Variants in C2CD3 observed in about 807,000 individuals in gnomAD.
The protein encoded by C2CD3 is C2 domain containing 3 centriole elongation regulator, also known as C2 domain-containing protein 3.
In C2CD3, 148 loss-of-function variants were observed where a neutral mutation model predicts 234.0. The ratio of observed to expected loss-of-function variants is 0.63; its 90% CI spans 0.55 to 0.72. The LOEUF is 0.72. C2CD3 is among the 30% of genes least tolerant of loss of function. C2CD3 has a pLI of 0.00. For missense variants in C2CD3, 2,577 were observed against 2,811.5 expected, an observed-to-expected ratio of 0.92 and a Z score of 1.89; for synonymous variants, 1,000 against 1,035.4, an observed-to-expected ratio of 0.97 and a Z score of 0.66.
chr11:74,046,798 G>T (rs1591326763), intron 28 of C2CD3, among the ~76,000 whole-genome samples: 1 of 152,146 alleles, frequency 6.6e-6, no homozygotes, highest in East Asian at 1.9e-4. Context: ...ATGGACACCT[G>T]AGTTGTTTAT....
At chr11:74,115,134 G>A (rs1956879873) in intron 9 of C2CD3, among the ~76,000 whole-genome samples, 1 of 150,778 alleles carries the variant, frequency 6.6e-6, no homozygotes. Context: ...GTATATTCAG[G>A]GTAATTTGAA....
chr11:74,024,313 AT>A (rs766368287), intron 32 of C2CD3, among the ~76,000 whole-genome samples: 10 of 152,260 alleles, frequency 6.6e-5, no homozygotes, highest in Middle Eastern at 3.2e-3. Flanking sequence ...TAGAAAAAAA[AT>A]CTTTCAAAAA....
intron 30 of C2CD3, chr11:74,034,524 G>A (rs1396529468): frequency 6.2e-7 from 1 of 1,610,404 alleles, no homozygotes; most frequent in Non-Finnish European, 8.5e-7. Context: ...AATGCTTTCA[G>A]AGACTATCTG....
Position 74,042,134 on chromosome 11 carries a change from C to A in C2CD3, c.5580G>T (p.Gln1860His), listed in dbSNP as rs1310944206. The change falls in exon 29 of 33, where the codon CAG becomes CAT. Residue 1860 changes from glutamine to histidine, a missense_variant. Gln to His is a conservative substitution (Grantham distance 24). Coordinates refer to ENST00000334126, the MANE Select transcript of C2CD3 (RefSeq NM_001286577.2). Reference sequence around the variant, plus strand: ...CATCACATGGCAAGGGTGCCTCTCCCTGAAGATGCAGGGATTCATGAAACC... The same window carrying A: ...CATCACATGGCAAGGGTGCCTCTCCATGAAGATGCAGGGATTCATGAAACC... Reference protein sequence around the residue: ...IRRFHESLHLQGEAPLPCDDK... With the variant: ...IRRFHESLHLHGEAPLPCDDK... 6.2e-7 allele frequency: 1 copy of A among 1,613,496 alleles called. No homozygotes were observed.
At chr11:74,155,479 T>C (rs1219718696) in intron 3 of C2CD3, among the ~76,000 whole-genome samples, 5 of 152,146 alleles carry the variant, frequency 3.3e-5, no homozygotes, top group African/African-American at 9.7e-5. Flanking sequence ...TTATTAATAA[T>C]AGTCAAAAAG....
intron 23 of C2CD3, among the ~76,000 whole-genome samples, chr11:74,077,346 T>C (rs1388857573): frequency 1.3e-5 from 2 of 152,152 alleles, no homozygotes; most frequent in Non-Finnish European, 2.9e-5. Flanking sequence ...GGATGCACTC[T>C]AGTGCTACGA....
At chr11:74,113,621 A>G (rs1158397371) in intron 11 of C2CD3, 159 bp downstream of exon 11, 2 of 645,752 alleles carry the variant, frequency 3.1e-6, no homozygotes, top group South Asian at 1.6e-5. Context: ...TGGAGGCTGC[A>G]GTGAGCAGAG....
rs182521995 is a variant in C2CD3 at position 74,015,268 on chromosome 11, C to T, written c.6922-1743G>A. ...GGGTGGGACCAGGCCAGGGTAACCA[C>T]AGGTTTAAATTGGGTGGGGAGGAGA... is the stretch of plus-strand genomic sequence containing the variant. On this transcript the variant is annotated intron_variant, in intron 32 of 32. Coordinates refer to ENST00000334126, the MANE Select transcript of C2CD3 (RefSeq NM_001286577.2). Among the ~76,000 whole-genome samples the T allele has an allele frequency of 2.6e-5, 4 of 152,314 alleles. No homozygotes were observed. In the East Asian group the frequency reaches 7.7e-4, roughly 29 times the overall value.
rs1184333480 is a variant in C2CD3, at chr11:74,078,702, T to C, written c.4016A>G (p.Tyr1339Cys). The change falls in exon 23 of 33, where the codon TAT becomes TGT. Residue 1339 changes from tyrosine to cysteine, a missense_variant. Tyr to Cys is a radical substitution (Grantham distance 194). Transcript: ENST00000334126. ...CCCGTCTTCTGGTAAAATGATAGGA[T>C]ACCATCCTGTGATCCCTTACGGGAG... ...LIKRSGITGWYPIILPEDGGL... is the reference protein window; with the variant it reads ...LIKRSGITGWCPIILPEDGGL... 1.4e-5 allele frequency: 23 copies of C among 1,602,924 alleles called. No individual in the cohort carries two copies. The highest frequency in any genetic ancestry group is 3.5e-5 in the Admixed American group (2 of 57,486).
At chr11:74,170,176 C>G (rs1470028377) in intron 1 of C2CD3, among the ~76,000 whole-genome samples, 1 of 152,172 alleles carries the variant, frequency 6.6e-6, no homozygotes, top group South Asian at 2.1e-4. Context: ...CCCTTACCCC[C>G]ACTCCAATCC....
At chr11:74,156,663 A>T (rs1222588242) in intron 3 of C2CD3, among the ~76,000 whole-genome samples, 2 of 152,096 alleles carry the variant, frequency 1.3e-5, no homozygotes, top group African/African-American at 4.8e-5. Context: ...AGAAAGAAAA[A>T]GAAAAACATA....
In C2CD3 at chr11:74,133,419, A is replaced by G; in HGVS notation, c.1088+6T>C. On this transcript the variant is annotated splice_donor_region_variant and intron_variant, in intron 6 of 32. Coordinates refer to ENST00000334126, the MANE Select transcript of C2CD3 (RefSeq NM_001286577.2). ...CTGTTAAGGTTCTGTCTATCCTGTAACTTACTGTGTTGATGCTCTAAGAGA... is the reference window on the plus strand; with the variant it reads ...CTGTTAAGGTTCTGTCTATCCTGTAGCTTACTGTGTTGATGCTCTAAGAGA... 2 of 1,612,974 alleles carry G rather than the reference A, an allele frequency of 1.2e-6. No homozygotes were observed. The highest frequency in any genetic ancestry group is 1.7e-6 in the Non-Finnish European group (2 of 1,179,030).
intron 24 of C2CD3, among the ~76,000 whole-genome samples, chr11:74,069,084 C>T (rs1434552534): frequency 2.4e-4 from 37 of 152,236 alleles, no homozygotes; most frequent in Admixed American, 2.4e-3. Context: ...AGGCATAAGC[C>T]ACTGCGTCCG....
intron 7 of C2CD3, among the ~76,000 whole-genome samples, chr11:74,125,829 A>C (rs926102037): frequency 6.6e-6 from 1 of 152,300 alleles, no homozygotes; most frequent in South Asian, 2.1e-4. Flanking sequence ...GAGAGAACTT[A>C]AAATTTGGTC....
chr11:74,122,920 C>T, intron 8 of C2CD3, 68 bp downstream of exon 8: 6 of 1,313,260 alleles, frequency 4.6e-6, no homozygotes, highest in Non-Finnish European at 6.5e-6. Flanking sequence ...AGCTGTCATG[C>T]CTGCAGCTAC....
At chr11:74,138,116 A>G (rs1180565645) in intron 5 of C2CD3, among the ~76,000 whole-genome samples, 2 of 152,232 alleles carry the variant, frequency 1.3e-5, no homozygotes, top group Non-Finnish European at 2.9e-5. Context: ...GTTGACCATT[A>G]CAGTGTAATG....
chr11:74,166,662 T>C (rs1282895787), intron 2 of C2CD3, among the ~76,000 whole-genome samples: 1 of 152,240 alleles, frequency 6.6e-6, no homozygotes, highest in Non-Finnish European at 1.5e-5. Context: ...TTTAATTATA[T>C]ACTGTCTGGC....
chr11:74,065,789 C>T (rs1402678521), intron 24 of C2CD3, among the ~76,000 whole-genome samples: 1 of 151,408 alleles, frequency 6.6e-6, no homozygotes, highest in Non-Finnish European at 1.5e-5. Flanking sequence ...TGGAAACCAT[C>T]ATTCTCAGCA....
intron 29 of C2CD3, among the ~76,000 whole-genome samples, chr11:74,038,373 C>CACCA (rs1186466038): frequency 1.3e-5 from 2 of 152,232 alleles, no homozygotes; most frequent in African/African-American, 4.8e-5. Flanking sequence ...TAAGAAATCA[C>CACCA]ACCAACCTTC....
Sources: allele counts gnomAD v4.1 joint callset (sites outside exome capture counted in the v4.1 genomes callset), GRCh38; gene constraint gnomAD v4.1.1; transcripts MANE v1.5; gene names NCBI Gene and HGNC (gene_info 2026-07-23, HGNC 2026-07-21).